Variants in PITPNA observed in about 807,000 individuals in gnomAD.
PITPNA encodes phosphatidylinositol transfer protein alpha isoform.
PITPNA carries 13 observed loss-of-function variants against 50.3 expected under a neutral mutation model. The observed-to-expected ratio is 0.26, with a 90% CI of 0.17 to 0.41. The LOEUF (loss-of-function observed/expected upper bound fraction) is 0.41. Among genes scored for constraint, PITPNA ranks in the 10% least tolerant of loss-of-function variants. The pLI is 1.00. For synonymous variants in PITPNA, 120 were observed against 119.6 expected, an observed-to-expected ratio of 1.00 and a Z score of -0.02; for missense variants, 207 against 333.4, an observed-to-expected ratio of 0.62 and a Z score of 2.95.
intron 10 of PITPNA, among the ~76,000 whole-genome samples, chr17:1,523,005 A>G (rs935099195): frequency 6.6e-6 from 1 of 152,162 alleles, no homozygotes; most frequent in African/African-American, 2.4e-5. Flanking sequence ...AGGTGGGCAC[A>G]ATGTGGTGTC....
At chr17:1,531,479 G>A (rs1169354644) in intron 10 of PITPNA, among the ~76,000 whole-genome samples, 2 of 152,048 alleles carry the variant, frequency 1.3e-5, no homozygotes, top group African/African-American at 2.4e-5. Flanking sequence ...GCAGTGAGCC[G>A]AGATCGTGCC....
At chr17:1,535,603 C>T in intron 7 of PITPNA, 85 bp from the exon 8 acceptor site, 1 of 822,030 alleles carries the variant, frequency 1.2e-6, no homozygotes, top group Non-Finnish European at 2.1e-6. Flanking sequence ...TTAGCATTCA[C>T]TCCATACCAG....
intron 10 of PITPNA, among the ~76,000 whole-genome samples, chr17:1,530,425 G>A (rs1026760537): frequency 1.3e-5 from 2 of 152,134 alleles, no homozygotes; most frequent in Non-Finnish European, 2.9e-5. Context: ...TTTTTAGGGC[G>A]AAGAACTAAT....
intron 4 of PITPNA, among the ~76,000 whole-genome samples, chr17:1,545,373 T>A (rs903225090): frequency 6.6e-6 from 1 of 152,248 alleles, no homozygotes; most frequent in Non-Finnish European, 1.5e-5. Flanking sequence ...ATGTCTGAAC[T>A]AATAACCTCT....
intron 7 of PITPNA, among the ~76,000 whole-genome samples, chr17:1,537,883 C>G (rs1361998578): frequency 1.3e-5 from 2 of 152,142 alleles, no homozygotes; most frequent in East Asian, 3.9e-4. Context: ...TCACTGCAAC[C>G]TCTGCCTCCC....
At chr17:1,546,727 G>A (rs1444965426) in intron 4 of PITPNA, among the ~76,000 whole-genome samples, 1 of 152,126 alleles carries the variant, frequency 6.6e-6, no homozygotes, top group East Asian at 1.9e-4. Flanking sequence ...CCTCCCAACA[G>A]GTCTATTCCT....
At position 1,553,055 on chromosome 17, in the gene PITPNA, T is replaced by A. The variant is rs1424361858; in HGVS notation, c.146A>T (p.Glu49Val). 3.1e-6 allele frequency: 5 copies of A among 1,613,968 alleles called. No homozygotes were observed. The highest frequency in any genetic ancestry group is 4.2e-6 in the Non-Finnish European group (5 of 1,179,854). ...GVEVLVNEPY[E>V]KDGEKGQYTH... is the part of the protein sequence containing the mutation. ...GTACTGGCCTTTCTCACCGTCCTTC[T>A]CGTAGGGCTCATTCACCAGGACCTC... The change falls in exon 3 of 12, where the codon GAG becomes GTG. Residue 49 changes from glutamate (E) to valine (V), a missense_variant. Physicochemically the swap from Glu to Val is moderately radical, Grantham distance 121 (BLOSUM62 -2). Coordinates refer to ENST00000313486, the MANE Select transcript of PITPNA (RefSeq NM_006224.4).
chr17:1,553,939 A>G (rs768566704), intron 2 of PITPNA, among the ~76,000 whole-genome samples: 4 of 152,160 alleles, frequency 2.6e-5, no homozygotes, highest in African/African-American at 4.8e-5. Context: ...TTCCTGCCCC[A>G]CAGTCTGTGC....
intron 3 of PITPNA, 118 bp downstream of exon 3, chr17:1,552,886 T>C: frequency 1.0e-6 from 1 of 982,126 alleles, no homozygotes; most frequent in Non-Finnish European, 1.5e-6. Flanking sequence ...TATATAACTA[T>C]TAATTGTTAG....
At chr17:1,530,810 C>T (rs1292309301) in intron 10 of PITPNA, among the ~76,000 whole-genome samples, 1 of 152,210 alleles carries the variant, frequency 6.6e-6, no homozygotes, top group East Asian at 1.9e-4. Context: ...ACAGAAGAGT[C>T]AGTAGCTAAT....
chr17:1,520,980 G>A (rs1305100368), intron 11 of PITPNA, among the ~76,000 whole-genome samples: 1 of 152,186 alleles, frequency 6.6e-6, no homozygotes, highest in Non-Finnish European at 1.5e-5. Flanking sequence ...AGCACCGAGA[G>A]TTAACGGAAG....
At chr17:1,531,129 G>A (rs2075580051) in intron 10 of PITPNA, among the ~76,000 whole-genome samples, 1 of 152,134 alleles carries the variant, frequency 6.6e-6, no homozygotes, top group Non-Finnish European at 1.5e-5. Flanking sequence ...TAGGGGGAAG[G>A]TGGGCAAGAG....
intron 3 of PITPNA, among the ~76,000 whole-genome samples, chr17:1,549,093 A>T (rs1372098721): frequency 6.6e-6 from 1 of 151,502 alleles, no homozygotes; most frequent in Admixed American, 6.6e-5. Context: ...TTTTTAGTAG[A>T]GACAGGGTTT....
chr17:1,561,172 G>A (rs79013565), intron 1 of PITPNA: 26,236 of 152,056 alleles, frequency 0.17, 2,889 homozygotes, highest in Non-Finnish European at 0.25. Flanking sequence ...CTCCTCTTTG[G>A]GGAGAAAAAT....
At chr17:1,551,041 G>C (rs185503686) in intron 3 of PITPNA, among the ~76,000 whole-genome samples, 1 of 149,336 alleles carries the variant, frequency 6.7e-6, no homozygotes, top group African/African-American at 2.4e-5. Context: ...GATGGGACAC[G>C]AAGGGCGAGT....
rs2075472015 is a variant in PITPNA, at chr17:1,517,733, A to G, written c.*2828T>C. ...TGTTTGGTAGGGTGGATAAAGAGGAAGATGTGAAGAGGAGGCAGACAAAAG... is the reference window on the plus strand; with the variant it reads ...TGTTTGGTAGGGTGGATAAAGAGGAGGATGTGAAGAGGAGGCAGACAAAAG... On this transcript the variant is annotated 3_prime_UTR_variant, in exon 12 of 12. Coordinates refer to ENST00000313486, the MANE Select transcript of PITPNA (RefSeq NM_006224.4). The G allele has an allele frequency of 6.6e-6, 1 of 152,116 alleles. No homozygotes were observed. The highest frequency in any genetic ancestry group is 2.4e-5 in the African/African-American group (1 of 41,412). 9.4% of individuals were successfully genotyped at this position (152,116 alleles called of 1,614,324 possible). A position where few individuals can be genotyped will look rare whatever the true frequency, so the allele number is the denominator to read the frequency against.
chr17:1,548,441 A>G (rs748614008), intron 3 of PITPNA, 54 bp from the exon 4 acceptor site: 12 of 1,266,550 alleles, frequency 9.5e-6, no homozygotes, highest in Admixed American at 6.5e-5. Context: ...GAAAGGAGAC[A>G]AGAGGCTTTT....
chr17:1,553,671 T>C (rs1316209215), intron 2 of PITPNA, among the ~76,000 whole-genome samples: 4 of 152,220 alleles, frequency 2.6e-5, no homozygotes, highest in Non-Finnish European at 2.9e-5. Context: ...AAGACCTAGG[T>C]TGGTTGCTAG....
rs1003242819 is a variant in PITPNA, at chr17:1,540,807, G to A, written c.372+759C>T. Among the ~76,000 whole-genome samples the A allele has an allele frequency of 7.2e-5, 11 of 152,184 alleles. 1 individual carries two copies. Among genetic ancestry groups the A allele is most frequent in the Admixed American group, 3.9e-4 (6 of 15,288 alleles). On this transcript the variant is annotated intron_variant, in intron 6 of 11. Transcript: ENST00000313486. Reference sequence around the variant, plus strand: ...TCACCGTGTTAGCCAGGATGGTCTCGATCTCCTGACCTCGTGATCCGCCTG... The same window carrying A: ...TCACCGTGTTAGCCAGGATGGTCTCAATCTCCTGACCTCGTGATCCGCCTG...
Sources: allele counts gnomAD v4.1 joint callset (sites outside exome capture counted in the v4.1 genomes callset), GRCh38; gene constraint gnomAD v4.1.1; transcripts MANE v1.5; gene names NCBI Gene and HGNC (gene_info 2026-07-23, HGNC 2026-07-21).